The following INSL6 variants were observed in gnomAD, a reference collection of about 807,000 sequenced individuals.
INSL6 encodes the protein insulin-like peptide INSL6.
A neutral mutation model predicts 9.4 loss-of-function variants in INSL6; 16 were observed. The ratio of observed to expected loss-of-function variants is 1.70; its 90% CI spans 1.15 to 2.59. INSL6 has a LOEUF of 2.59. Ranked by LOEUF, INSL6 falls within the 30% of genes most tolerant of loss-of-function variation. INSL6 has a pLI of 0.00. For missense variants in INSL6, 391 were observed against 257.3 expected (o/e 1.52, Z -3.56); for synonymous variants, 154 against 96.9 (o/e 1.59, Z -3.46).
At chr9:5,001,204 G>A in the INSL6 span, among the ~76,000 whole-genome samples, 39,879 of 151,758 alleles carry the variant, frequency 0.26, 5,365 homozygotes, top group Middle Eastern at 0.37. Flanking sequence ...TTTCTTACCA[G>A]ATTGCATTAG....
intron 1 of INSL6, among the ~76,000 whole-genome samples, chr9:5,174,549 C>T (rs1237720589): frequency 6.6e-6 from 1 of 152,176 alleles, no homozygotes; most frequent in Non-Finnish European, 1.5e-5. Flanking sequence ...TACAAGTTCT[C>T]ACTCCCCAAC....
the INSL6 span, among the ~76,000 whole-genome samples, chr9:5,002,711 A>G: frequency 6.6e-6 from 1 of 151,952 alleles, no homozygotes; most frequent in Non-Finnish European, 1.5e-5. Context: ...AATTCCTGAG[A>G]AATGAGTATT....
At chr9:5,044,502 G>A in the INSL6 span, 1 of 1,600,030 alleles carries the variant, frequency 6.2e-7, no homozygotes, top group Non-Finnish European at 8.6e-7. Context: ...ACTTTGTCAT[G>A]TCTTACCTCT....
At chr9:5,071,301 T>G in the INSL6 span, among the ~76,000 whole-genome samples, 2 of 151,924 alleles carry the variant, frequency 1.3e-5, no homozygotes, top group Admixed American at 6.6e-5. Context: ...TACAAGGAAA[T>G]AATGCAGGAT....
At chr9:5,027,759 T>C in the INSL6 span, among the ~76,000 whole-genome samples, 3 of 152,244 alleles carry the variant, frequency 2.0e-5, no homozygotes, top group Non-Finnish European at 4.4e-5. Context: ...TCACCAGGAA[T>C]AGATTCCATC....
rs1229463520 is a variant in INSL6 at position 5,128,110 on chromosome 9, G to A, written c.*11-3599C>T. The A allele has an allele frequency of 2.2e-5, 5 of 231,754 alleles. No individual in the cohort carries two copies. The South Asian group carries it at 5.5e-4, about 25-fold the overall frequency. The allele number at this position is 231,754 out of a possible 1,614,324, so 14.4% of individuals were successfully genotyped here. ...TGTGTGTGTGTGTGTGTGTGTGTGT[G>A]TGTGTGTGTGTTATTTATACAAAAC... On this transcript the variant is annotated intron_variant, in intron 3 of 3. Transcript: ENST00000649639.
the INSL6 span, among the ~76,000 whole-genome samples, chr9:5,002,049 T>G: frequency 1.4e-4 from 22 of 152,128 alleles, no homozygotes; most frequent in East Asian, 4.2e-3. Context: ...GGGCACATAT[T>G]GGTAATATGT....
At chr9:5,110,736 T>G in the INSL6 span, 1 of 363,870 alleles carries the variant, frequency 2.7e-6, no homozygotes, top group South Asian at 2.2e-5. Context: ...ATAGTACCCG[T>G]GTTATTTTCT....
downstream of INSL6, among the ~76,000 whole-genome samples, chr9:5,163,467 AG>A (rs983896049): frequency 6.6e-6 from 1 of 152,174 alleles, no homozygotes; most frequent in Admixed American, 6.6e-5. Context: ...TTACAGCACA[AG>A]GGCTTCTACC....
At position 5,134,487 on chromosome 9, in the gene INSL6, G is replaced by A. The variant is rs533129872; in HGVS notation, c.377-895C>T. Among the ~76,000 whole-genome samples, 45 of 152,306 alleles carry A rather than the reference G, an allele frequency of 3.0e-4. 1 individual carries two copies. The highest frequency in any genetic ancestry group is 4.6e-4 in the African/African-American group (19 of 41,556). ...AAGGGAAGCCCATCAGACTAACAGCGGATCTCTCTGCAGAAACCCTACAAG... is the reference window on the plus strand; with the variant it reads ...AAGGGAAGCCCATCAGACTAACAGCAGATCTCTCTGCAGAAACCCTACAAG... On this transcript the variant is annotated intron_variant, in intron 2 of 3. Coordinates refer to the INSL6 transcript ENST00000649639.
chr9:5,084,900 A>G, the INSL6 span: 1 of 451,012 alleles, frequency 2.2e-6, no homozygotes, highest in Admixed American at 2.9e-5. Flanking sequence ...TTTTAAAATG[A>G]TTTTTGGTTA....
downstream of INSL6, among the ~76,000 whole-genome samples, chr9:5,119,273 GAGAAACAAATGACAGAACAAA>G (rs1202656856): frequency 1.3e-5 from 2 of 151,956 alleles, no homozygotes; most frequent in Non-Finnish European, 2.9e-5. Context: ...TTTAAAACCT[GAGAAACAAATGACAGAACAAA>G]TGCATGGAGG....
the INSL6 span, chr9:5,114,899 G>A: frequency 1.5e-5 from 3 of 195,268 alleles, no homozygotes; most frequent in East Asian, 5.0e-4. Flanking sequence ...AATGACCCCA[G>A]GAAGCCACCC....
At chr9:5,149,985 A>G (rs753132955) in intron 2 of INSL6, among the ~76,000 whole-genome samples, 2 of 152,232 alleles carry the variant, frequency 1.3e-5, no homozygotes, top group Non-Finnish European at 2.9e-5. Context: ...TGACAAAAGC[A>G]TACAATGGGG....
chr9:5,080,648 C>G, the INSL6 span: 1 of 1,596,466 alleles, frequency 6.3e-7, no homozygotes, highest in Non-Finnish European at 8.5e-7. Context: ...TCTTTCAGAG[C>G]CATCATACGA....
At chr9:5,155,262 G>A (rs1322507961) in intron 2 of INSL6, among the ~76,000 whole-genome samples, 4 of 149,734 alleles carry the variant, frequency 2.7e-5, no homozygotes. Context: ...ACTCCTAGGC[G>A]GGAATTGAAC....
intron 1 of INSL6, among the ~76,000 whole-genome samples, chr9:5,172,127 AC>A (rs1368151062): frequency 6.6e-6 from 1 of 152,238 alleles, no homozygotes; most frequent in Non-Finnish European, 1.5e-5. Context: ...TGGTACTGTT[AC>A]AAAAACAGAC....
the INSL6 span, among the ~76,000 whole-genome samples, chr9:5,101,333 G>GC: frequency 6.6e-6 from 1 of 152,222 alleles, no homozygotes; most frequent in South Asian, 2.1e-4. Context: ...AGGCGGAGGG[G>GC]CGTCCGCCAT....
chr9:5,102,057 G>C, the INSL6 span, among the ~76,000 whole-genome samples: 3 of 152,332 alleles, frequency 2.0e-5, no homozygotes, highest in East Asian at 5.8e-4. Flanking sequence ...GCTGACAGAA[G>C]TAGGCTTCAG....
Sources: allele counts gnomAD v4.1 joint callset (sites outside exome capture counted in the v4.1 genomes callset), GRCh38; gene constraint gnomAD v4.1.1; transcripts MANE v1.5; gene names NCBI Gene and HGNC (gene_info 2026-07-23, HGNC 2026-07-21).